Variants in NRG1 observed in about 807,000 individuals in gnomAD.
NRG1 encodes neuregulin 1.
NRG1 carries 18 observed loss-of-function variants against 63.8 expected under a neutral mutation model. The observed-to-expected ratio is 0.28, with a 90% CI of 0.19 to 0.42. The LOEUF (loss-of-function observed/expected upper bound fraction) is 0.42. Among genes scored for constraint, NRG1 ranks in the 10% least tolerant of loss-of-function variants. The pLI is 1.00. For synonymous variants in NRG1, 302 were observed against 301.3 expected, an observed-to-expected ratio of 1.00 and a Z score of -0.02; for missense variants, 762 against 814.7, an observed-to-expected ratio of 0.94 and a Z score of 0.79.
chr8:32,335,988 C>T (rs988559902), intron 1 of NRG1, among the ~76,000 whole-genome samples: 1 of 150,548 alleles, frequency 6.6e-6, no homozygotes, highest in Non-Finnish European at 1.5e-5. Flanking sequence ...CTCCACCCAC[C>T]CACACACACA....
intron 1 of NRG1, among the ~76,000 whole-genome samples, chr8:32,405,466 G>T (rs1047143641): frequency 5.9e-5 from 9 of 152,148 alleles, no homozygotes; most frequent in African/African-American, 2.2e-4. Context: ...ATTTATATCT[G>T]TTATATACAT....
intron 1 of NRG1, among the ~76,000 whole-genome samples, chr8:32,579,195 C>CTTTTTTTTTTT (rs71208196): frequency 2.0e-4 from 21 of 105,428 alleles, no homozygotes; most frequent in Middle Eastern, 6.7e-3. Context: ...TTTCTTCTGT[C>CTTTTTTTTTTT]TTTTTTTTTT....
chr8:32,399,735 A>T (rs955904619), intron 1 of NRG1, among the ~76,000 whole-genome samples: 1 of 152,148 alleles, frequency 6.6e-6, no homozygotes, highest in Admixed American at 6.5e-5. Flanking sequence ...AAGTAGAAAA[A>T]AAGTCATAAC....
chr8:31,919,397 T>C (rs1833705982), intron 1 of NRG1, among the ~76,000 whole-genome samples: 2 of 151,916 alleles, frequency 1.3e-5, no homozygotes, highest in African/African-American at 4.8e-5. Flanking sequence ...TCTTTTTTTT[T>C]TTTCATTTGT....
At chr8:31,989,810 G>C (rs752617064) in intron 1 of NRG1, among the ~76,000 whole-genome samples, 4 of 152,028 alleles carry the variant, frequency 2.6e-5, no homozygotes, top group Non-Finnish European at 4.4e-5. Context: ...GGCTGAATCT[G>C]AATGGTCTTG....
intron 11 of NRG1, chr8:32,760,904 G>T: frequency 1.0e-6 from 1 of 993,070 alleles, no homozygotes; most frequent in Non-Finnish European, 1.2e-6. Context: ...TGAATGTCAT[G>T]GGGGGCAACT....
At chr8:31,819,642 A>G (rs1823812281) in intron 1 of NRG1, among the ~76,000 whole-genome samples, 1 of 152,216 alleles carries the variant, frequency 6.6e-6, no homozygotes, top group African/African-American at 2.4e-5. Flanking sequence ...ACTATGAATT[A>G]GGAACCTCAC....
At chr8:32,466,933 T>G (rs1488197668) in intron 1 of NRG1, among the ~76,000 whole-genome samples, 1 of 152,086 alleles carries the variant, frequency 6.6e-6, no homozygotes, top group Non-Finnish European at 1.5e-5. Flanking sequence ...AGTAATAATA[T>G]TATCATTCAC....
intron 1 of NRG1, among the ~76,000 whole-genome samples, chr8:32,010,595 T>C (rs1434957456): frequency 1.3e-5 from 2 of 152,098 alleles, no homozygotes; most frequent in African/African-American, 2.4e-5. Context: ...TTAATGTGAT[T>C]CCTTTCTTTA....
chr8:32,551,646 A>G (rs965358271), intron 1 of NRG1, among the ~76,000 whole-genome samples: 3 of 152,158 alleles, frequency 2.0e-5, no homozygotes, highest in Admixed American at 1.3e-4. Context: ...ATTGCACACT[A>G]TTGGGGCTGC....
chr8:32,117,625 G>A lies in NRG1; in HGVS notation c.37+478194G>A, dbSNP rs117565203. ...TGATTAACTCAGAAAGTTATAGCTA[G>A]TGATTCACAATATTTGTTTTAAAAA... is the stretch of plus-strand genomic sequence containing the variant. On this transcript the variant is annotated intron_variant, in intron 1 of 10. Transcript: ENST00000519301. 9.6e-3 allele frequency among the ~76,000 whole-genome samples: 1,467 copies of A among 152,122 alleles called. 19 individuals carry two copies. Among genetic ancestry groups the A allele is most frequent in the South Asian group, 0.058 (279 of 4,802 alleles).
chr8:32,631,378 G>A (rs1850280610), intron 5 of NRG1, among the ~76,000 whole-genome samples: 1 of 152,028 alleles, frequency 6.6e-6, no homozygotes, highest in African/African-American at 2.4e-5. Context: ...TATTTTATTT[G>A]GCAGGGATCC....
chr8:31,884,225 C>T (rs964377298), intron 1 of NRG1, among the ~76,000 whole-genome samples: 4 of 151,914 alleles, frequency 2.6e-5, no homozygotes, highest in African/African-American at 9.7e-5. Flanking sequence ...ATTTTGAGGC[C>T]TCGTGTAAAA....
intron 1 of NRG1, among the ~76,000 whole-genome samples, chr8:32,031,274 C>G (rs79797636): frequency 0.046 from 7,040 of 152,294 alleles, 462 homozygotes; most frequent in African/African-American, 0.15. Context: ...GCCCATCTCT[C>G]TTTCCAAAGG....
chr8:32,487,368 T>C (rs1000625496), intron 1 of NRG1, among the ~76,000 whole-genome samples: 1 of 152,068 alleles, frequency 6.6e-6, no homozygotes, highest in African/African-American at 2.4e-5. Flanking sequence ...CTTGACTTCT[T>C]AAGTCTTACA....
intron 9 of NRG1, among the ~76,000 whole-genome samples, chr8:32,758,838 T>C (rs1176362446): frequency 6.6e-6 from 1 of 152,058 alleles, no homozygotes; most frequent in Non-Finnish European, 1.5e-5. Context: ...GCCCAACATA[T>C]AGAGATTCTG....
chr8:31,972,911 G>C (rs752476577), intron 1 of NRG1, among the ~76,000 whole-genome samples: 1 of 152,110 alleles, frequency 6.6e-6, no homozygotes, highest in Non-Finnish European at 1.5e-5. Flanking sequence ...AAATTAAACT[G>C]TTTAAAAAAG....
At chr8:32,470,030 ATTTTT>A (rs71208185) in intron 1 of NRG1, among the ~76,000 whole-genome samples, 165 of 132,646 alleles carry the variant, frequency 1.2e-3, no homozygotes, top group African/African-American at 2.7e-3. Flanking sequence ...CGCCCAGCTA[ATTTTT>A]TTTTTTTTTT....
chr8:32,235,141 C>G (rs1288247714), intron 1 of NRG1, among the ~76,000 whole-genome samples: 1 of 149,410 alleles, frequency 6.7e-6, no homozygotes, highest in Non-Finnish European at 1.5e-5. Flanking sequence ...CACCTGTAAT[C>G]CCAGTGCTTT....
Sources: gnomAD v4.1 joint callset for allele counts (sites outside exome capture counted in the v4.1 genomes callset) on GRCh38, gnomAD v4.1.1 for gene constraint, MANE v1.5 for transcripts, NCBI Gene and HGNC (gene_info 2026-07-23, HGNC 2026-07-21) for gene names.